Variants in TSHZ3 observed in about 807,000 individuals in gnomAD.
The protein encoded by TSHZ3 is teashirt zinc finger homeobox 3, also known as teashirt homolog 3.
TSHZ3 carries 10 observed loss-of-function variants against 64.5 expected under a neutral mutation model. The ratio of observed to expected loss-of-function variants is 0.16; its 90% CI spans 0.10 to 0.26. The LOEUF (loss-of-function observed/expected upper bound fraction) is 0.26. TSHZ3 is among the 10% of genes least tolerant of loss of function. The probability of loss-of-function intolerance (pLI) is 1.00; values close to 1 mark genes in which losing one functional copy is unlikely to be tolerated. For synonymous variants in TSHZ3, 608 were observed against 593.1 expected (o/e 1.03, Z -0.36); for missense variants, 1,242 against 1,421.7 (o/e 0.87, Z 2.03).
At chr19:31,293,062 TATCCATCCATCCAAAA>T (rs1275519357) in intron 1 of TSHZ3, among the ~76,000 whole-genome samples, 5 of 130,984 alleles carry the variant, frequency 3.8e-5, no homozygotes, top group Admixed American at 7.4e-5. Context: ...TCCAAAAATG[TATCCATCCATCCAAAA>T]ATCCATCCAT....
intron 5 of TSHZ3, among the ~76,000 whole-genome samples, chr19:31,164,683 G>A (rs1356145291): frequency 6.6e-6 from 1 of 152,076 alleles, no homozygotes; most frequent in Non-Finnish European, 1.5e-5. Context: ...AGTGAGCCAG[G>A]GAATTCAAAG....
chr19:31,309,277 G>C (rs1200459369), intron 1 of TSHZ3, among the ~76,000 whole-genome samples: 2 of 152,214 alleles, frequency 1.3e-5, no homozygotes, highest in East Asian at 3.8e-4. Context: ...AAGAGGGTAG[G>C]TGGTAAAAGG....
At chr19:31,154,847 G>GT (rs774467513) in intron 6 of TSHZ3, among the ~76,000 whole-genome samples, 87 of 142,196 alleles carry the variant, frequency 6.1e-4, no homozygotes, top group Non-Finnish European at 1.2e-3. Context: ...GCAGGGTTTT[G>GT]TGGGGGGACA....
At chr19:31,242,512 G>A (rs767113150) in exon 3 of TSHZ3, among the ~76,000 whole-genome samples, 23 of 150,984 alleles carry the variant, frequency 1.5e-4, no homozygotes, top group East Asian at 3.9e-4. Flanking sequence ...TGGGTGCCTC[G>A]GTTCTACGTG....
At chr19:31,206,286 T>G (rs1311106301) in intron 4 of TSHZ3, among the ~76,000 whole-genome samples, 1 of 151,138 alleles carries the variant, frequency 6.6e-6, no homozygotes, top group Non-Finnish European at 1.5e-5. Flanking sequence ...CGTAGATGGA[T>G]GGATGGGTGA....
At chr19:31,154,136 C>A (rs1974273201) in intron 6 of TSHZ3, among the ~76,000 whole-genome samples, 1 of 152,174 alleles carries the variant, frequency 6.6e-6, no homozygotes, top group Admixed American at 6.5e-5. Context: ...ACCTGCAGGG[C>A]CCAGAAAGAG....
At chr19:31,326,820 T>C (rs2049778913) in intron 1 of TSHZ3, among the ~76,000 whole-genome samples, 1 of 152,280 alleles carries the variant, frequency 6.6e-6, no homozygotes, top group South Asian at 2.1e-4. Flanking sequence ...TCTCCCTTAC[T>C]GTAAACATTT....
chr19:31,218,900 A>G (rs943223557), intron 4 of TSHZ3, among the ~76,000 whole-genome samples: 2 of 152,168 alleles, frequency 1.3e-5, no homozygotes, highest in Non-Finnish European at 2.9e-5. Context: ...TTCACTCCCC[A>G]TGGTCTGAGG....
rs1976324059 is a variant in TSHZ3, at chr19:31,279,557, C to A, written c.236G>T (p.Ser79Ile). The A allele has an allele frequency of 1.2e-6, 2 of 1,610,052 alleles. No individual in the cohort carries two copies. Among genetic ancestry groups the A allele is most frequent in the Non-Finnish European group, 1.7e-6 (2 of 1,177,210 alleles). Reference protein sequence around the residue: ...CHEMDSESHISETSDRMADFE... With the variant: ...CHEMDSESHIIETSDRMADFE... ...GTCAGCCATTCGGTCACTGGTCTCA[C>A]TGATGTGTGACTCGCTGTCCATTTC... The change falls in exon 2 of 2, where the codon AGT (serine) becomes ATT (isoleucine). Residue 79 changes from serine (S) to isoleucine (I), a missense_variant. Ser to Ile is a moderately radical substitution (Grantham distance 142). Transcript: ENST00000240587. This position sits in a 1 kb window ranked among gnomAD's most constrained non-coding sequence, Gnocchi z 6.4.
chr19:31,163,371 G>C (rs1484907605), intron 5 of TSHZ3, among the ~76,000 whole-genome samples: 1 of 152,202 alleles, frequency 6.6e-6, no homozygotes, highest in Admixed American at 6.5e-5. Flanking sequence ...GATTTATTCT[G>C]TAGTGGAGAA....
intron 5 of TSHZ3, among the ~76,000 whole-genome samples, chr19:31,164,963 G>T (rs1053369024): frequency 3.3e-5 from 5 of 152,216 alleles, no homozygotes; most frequent in Non-Finnish European, 7.3e-5. Flanking sequence ...AAAGCGAGCG[G>T]CAGCCTCGGG....
At chr19:31,179,080 T>C (rs1354650961) in intron 5 of TSHZ3, among the ~76,000 whole-genome samples, 1 of 151,946 alleles carries the variant, frequency 6.6e-6, no homozygotes, top group Non-Finnish European at 1.5e-5. Context: ...AGGATCCTAG[T>C]GGGAAACCCA....
downstream of TSHZ3, among the ~76,000 whole-genome samples, chr19:31,273,940 A>G (rs2145207995): frequency 6.6e-6 from 1 of 152,218 alleles, no homozygotes; most frequent in African/African-American, 2.4e-5. Context: ...AGCACTCTCT[A>G]TTTGCCAAAC....
chr19:31,338,648 A>G (rs756766333), intron 1 of TSHZ3, among the ~76,000 whole-genome samples: 10 of 149,444 alleles, frequency 6.7e-5, no homozygotes, highest in Non-Finnish European at 8.9e-5. Context: ...GGCTTCAGCA[A>G]CTGCAGCTCT....
chr19:31,193,190 T>C (rs1024241076), intron 5 of TSHZ3, among the ~76,000 whole-genome samples: 1 of 152,204 alleles, frequency 6.6e-6, no homozygotes, highest in Non-Finnish European at 1.5e-5. Context: ...TCCAAGTCTG[T>C]ACCAGACTTT....
chr19:31,330,708 GC>G (rs77190780), intron 1 of TSHZ3, among the ~76,000 whole-genome samples: 79,920 of 148,066 alleles, frequency 0.54, 22,651 homozygotes, highest in Middle Eastern at 0.67. Context: ...TAATCCTTGG[GC>G]GGGGGGAGGA....
Position 31,166,860 on chromosome 19 carries a change from T to A in TSHZ3, n.810-10443A>T, listed in dbSNP as rs114227695. ...AAAAGTACTATATGCTCAACACAAA[T>A]ATACTTGAGATATATATTTTCAAAG... On this transcript the variant is annotated intron_variant and non_coding_transcript_variant, in intron 5 of 6. Coordinates refer to the TSHZ3 transcript ENST00000651361. 6.2e-3 allele frequency among the ~76,000 whole-genome samples: 948 copies of A among 152,292 alleles called. 8 individuals are homozygous for A. The highest frequency in any genetic ancestry group is 0.021 in the African/African-American group (874 of 41,562).
At chr19:31,248,743 T>C (rs1975792487) in intron 1 of TSHZ3, among the ~76,000 whole-genome samples, 1 of 143,538 alleles carries the variant, frequency 7.0e-6, no homozygotes, top group African/African-American at 2.6e-5. Flanking sequence ...GTAGCCATGA[T>C]CGCACCACTG....
In TSHZ3 at chr19:31,276,917, C is replaced by T; in HGVS notation, c.2876G>A (p.Arg959Lys). ...WLANVKYQLR[R>K]TGGTKFLKNL... ...TTTGAGGAACTTTGTTCCACCTGTC[C>T]TTCGAAGCTGGTATTTCACGTTGGC... is the stretch of plus-strand genomic sequence containing the variant. The change falls in exon 2 of 2, where the codon AGG becomes AAG. Residue 959 changes from arginine (R) to lysine (K), a missense_variant. Physicochemically the swap from Arg to Lys is conservative, Grantham distance 26. Around this residue, in one of 4 missense-constraint regions of TSHZ3, gnomAD observed 11 missense variants for 31.9 expected, o/e 0.34. Transcript: ENST00000240587. 1 of 1,614,220 alleles carries T rather than the reference C, an allele frequency of 6.2e-7. No individual in the cohort carries two copies.
Sources: gnomAD v4.1 joint callset for allele counts (sites outside exome capture counted in the v4.1 genomes callset) on GRCh38, gnomAD v4.1.1 for gene constraint, gnomAD v4.1.1 regional missense constraint, Gnocchi (gnomAD v3.1) non-coding constraint, MANE v1.5 for transcripts, NCBI Gene and HGNC (gene_info 2026-07-23, HGNC 2026-07-21) for gene names.